The following MICAL2 variants were observed in gnomAD, a reference collection of about 807,000 sequenced individuals.
The protein encoded by MICAL2 is [F-actin]-monooxygenase MICAL2.
MICAL2 carries 77 observed loss-of-function variants against 127.3 expected under a neutral mutation model. That is an observed-to-expected ratio of 0.60 (90% confidence interval 0.50 to 0.73). The LOEUF is 0.73. Ranked by LOEUF, MICAL2 falls within the 30% of genes least tolerant of loss-of-function variation. MICAL2 has a pLI of 0.00. For missense variants in MICAL2, 1,351 were observed against 1,434.4 expected (o/e 0.94, Z 0.94); for synonymous variants, 570 against 551.1 (o/e 1.03, Z -0.48).
chr11:12,358,510 C>T (rs767917616), downstream of MICAL2: 13 of 1,605,154 alleles, frequency 8.1e-6, no homozygotes, highest in South Asian at 4.4e-5. Flanking sequence ...CCTGGCTGCA[C>T]GTTGGGACCG....
intron 1 of MICAL2, among the ~76,000 whole-genome samples, chr11:12,119,664 G>A (rs1360167189): frequency 6.6e-6 from 1 of 152,182 alleles, no homozygotes; most frequent in African/African-American, 2.4e-5. Flanking sequence ...CGGATTGGCT[G>A]GGAGATCTCT....
At chr11:12,286,997 G>A (rs1452364140) in intron 2 of MICAL2, 2 of 398,352 alleles carry the variant, frequency 5.0e-6, no homozygotes, top group Non-Finnish European at 8.9e-6. Context: ...TGTGGTAATT[G>A]AGCTATAGGA....
intron 1 of MICAL2, among the ~76,000 whole-genome samples, chr11:12,132,783 C>T (rs7120246): frequency 0.047 from 7,172 of 152,320 alleles, 560 homozygotes; most frequent in African/African-American, 0.16. Flanking sequence ...TTCCAGATCA[C>T]AGTTCCCAGT....
At chr11:12,246,469 GCCCTTCACTGGGCTGGGAGCTA>G (rs1193563755) in intron 21 of MICAL2, among the ~76,000 whole-genome samples, 1 of 152,230 alleles carries the variant, frequency 6.6e-6, no homozygotes, top group Non-Finnish European at 1.5e-5. Context: ...GGGCAGGGGG[GCCCTTCACTGGGCTGGGAGCTA>G]CCCTTCAGTC....
intron 18 of MICAL2, 41 bp downstream of exon 18, chr11:12,241,203 A>C: frequency 2.5e-6 from 4 of 1,592,440 alleles, no homozygotes; most frequent in Non-Finnish European, 3.4e-6. Context: ...GTGAAGCCAG[A>C]GGGGACTTTG....
At chr11:12,160,610 G>A (rs1274091876) in intron 2 of MICAL2, among the ~76,000 whole-genome samples, 1 of 152,186 alleles carries the variant, frequency 6.6e-6, no homozygotes, top group African/African-American at 2.4e-5. Flanking sequence ...CCACTGCCCA[G>A]TCTTCTAGTA....
At chr11:12,345,091 G>A (rs1938933035) in intron 32 of MICAL2, among the ~76,000 whole-genome samples, 2 of 148,656 alleles carry the variant, frequency 1.3e-5, no homozygotes, top group South Asian at 2.1e-4. Flanking sequence ...CAGCCTGGGC[G>A]ACAGAGCGAG....
rs369503576 is a variant in MICAL2, at chr11:12,246,301, C to G, written c.2784+2189C>G. On this transcript the variant is annotated intron_variant, in intron 21 of 27. Transcript: ENST00000683283. ...CTGCTGCTGTCTCTGGCTCTTCAGGCAGCCCTCCCCTGAGGACTCGGCTCC... is the reference window on the plus strand; with the variant it reads ...CTGCTGCTGTCTCTGGCTCTTCAGGGAGCCCTCCCCTGAGGACTCGGCTCC... Among the ~76,000 whole-genome samples, 95 of 152,380 alleles carry G rather than the reference C, an allele frequency of 6.2e-4. 1 individual carries two copies. The East Asian group carries it at 0.014, about 23-fold the overall frequency.
chr11:12,216,381 G>A (rs1856159723), intron 8 of MICAL2, 62 bp downstream of exon 8: 1 of 1,297,784 alleles, frequency 7.7e-7, no homozygotes. Context: ...ATCAGCAGGT[G>A]TGAAGGCAGA....
At chr11:12,115,207 T>C (rs1327848267) in intron 1 of MICAL2, among the ~76,000 whole-genome samples, 1 of 152,242 alleles carries the variant, frequency 6.6e-6, no homozygotes, top group Non-Finnish European at 1.5e-5. Context: ...GAATTTGTTC[T>C]ATAGAGTTAG....
At chr11:12,361,006 A>C (rs1939197195), downstream of MICAL2, among the ~76,000 whole-genome samples, 1 of 152,190 alleles carries the variant, frequency 6.6e-6, no homozygotes, top group Admixed American at 6.5e-5. Context: ...TACATTTTGA[A>C]GACAGTTTCT....
At chr11:12,243,372 A>G (rs1266551431) in intron 20 of MICAL2, 1 of 153,016 alleles carries the variant, frequency 6.5e-6, no homozygotes, top group Non-Finnish European at 1.5e-5. Context: ...CTCAAGAGGA[A>G]ATGAAAGAGT....
At chr11:12,337,005 T>A (rs1434435831) in intron 32 of MICAL2, among the ~76,000 whole-genome samples, 1 of 152,210 alleles carries the variant, frequency 6.6e-6, no homozygotes, top group Non-Finnish European at 1.5e-5. Context: ...TTTCTATTGA[T>A]TGGAATAGTT....
At chr11:12,205,764 T>C (rs762765131) in intron 4 of MICAL2, among the ~76,000 whole-genome samples, 2 of 152,248 alleles carry the variant, frequency 1.3e-5, no homozygotes, top group Non-Finnish European at 2.9e-5. Context: ...CTTTGCACTA[T>C]GCCTAGCACA....
rs1041119652 is a variant in MICAL2 at position 12,185,462 on chromosome 11, C to T, written c.265-18788C>T. 2.0e-5 allele frequency among the ~76,000 whole-genome samples: 3 copies of T among 152,114 alleles called. No homozygotes were observed. In the East Asian group the frequency reaches 5.8e-4, roughly 29 times the overall value. ...TCCTTTCATCTTGATCCAAGCCACT[C>T]GTGCTTCCTTCCCATCCCCATGACA... is the stretch of plus-strand genomic sequence containing the variant. On this transcript the variant is annotated intron_variant, in intron 3 of 27. Coordinates refer to ENST00000683283, the MANE Select transcript of MICAL2 (RefSeq NM_001282663.2).
chr11:12,242,137 C>A, intron 18 of MICAL2, 77 bp from the exon 19 acceptor site: 1 of 1,264,226 alleles, frequency 7.9e-7, no homozygotes, highest in Non-Finnish European at 1.1e-6. Context: ...CTCTGGTCTT[C>A]ATGGGGGATC....
At chr11:12,343,304 A>G (rs1459828154) in intron 32 of MICAL2, among the ~76,000 whole-genome samples, 3 of 149,942 alleles carry the variant, frequency 2.0e-5, no homozygotes, top group African/African-American at 7.3e-5. Context: ...GCTACTCAGG[A>G]GGCTGAGGCA....
downstream of MICAL2, among the ~76,000 whole-genome samples, chr11:12,264,779 T>C (rs1040856226): frequency 3.3e-5 from 5 of 152,320 alleles, no homozygotes; most frequent in African/African-American, 1.2e-4. Context: ...AGTCAGGTGC[T>C]GGGCTGTGCA....
chr11:12,274,920 G>A (rs984480184), upstream of MICAL2, among the ~76,000 whole-genome samples: 2 of 151,974 alleles, frequency 1.3e-5, no homozygotes, highest in Non-Finnish European at 2.9e-5. Context: ...TGGGGGTGGG[G>A]CACAGCAAGA....
Sources: gnomAD v4.1 joint callset for allele counts (sites outside exome capture counted in the v4.1 genomes callset) on GRCh38, gnomAD v4.1.1 for gene constraint, MANE v1.5 for transcripts, NCBI Gene and HGNC (gene_info 2026-07-23, HGNC 2026-07-21) for gene names.